The following TLE4 variants were observed in gnomAD, a reference collection of about 807,000 sequenced individuals.
TLE4 encodes transducin-like enhancer protein 4.
A neutral mutation model predicts 92.8 loss-of-function variants in TLE4; 8 were observed. The observed-to-expected ratio is 0.09, with a 90% CI of 0.05 to 0.16. The LOEUF is 0.16. Among genes scored for constraint, TLE4 ranks in the 10% least tolerant of loss-of-function variants. TLE4 has a pLI of 1.00. For missense variants in TLE4, 675 were observed against 997.6 expected (o/e 0.68, Z 4.36); for synonymous variants, 371 against 374.1 (o/e 0.99, Z 0.10).
chr9:79,692,504 A>T (rs750707304), intron 8 of TLE4, among the ~76,000 whole-genome samples: 2 of 152,210 alleles, frequency 1.3e-5, no homozygotes, highest in Non-Finnish European at 1.5e-5. Context: ...CAATCATGAA[A>T]GGAAGGGCGG....
At chr9:79,657,157 G>T (rs766433882) in intron 8 of TLE4, among the ~76,000 whole-genome samples, 17 of 152,136 alleles carry the variant, frequency 1.1e-4, no homozygotes, top group Non-Finnish European at 1.6e-4. Flanking sequence ...AGGAGCCATG[G>T]CACCTGCAGC....
intron 4 of TLE4, among the ~76,000 whole-genome samples, chr9:79,587,034 A>T (rs1219549984): frequency 6.6e-6 from 1 of 152,172 alleles, no homozygotes; most frequent in Non-Finnish European, 1.5e-5. Context: ...TCACTCTGTT[A>T]TGCTATCAAA....
At chr9:79,598,364 C>T (rs1257814150) in intron 4 of TLE4, among the ~76,000 whole-genome samples, 1 of 152,000 alleles carries the variant, frequency 6.6e-6, no homozygotes, top group Non-Finnish European at 1.5e-5. Context: ...GGATCTACTT[C>T]TCCACCTTCA....
At chr9:79,628,812 C>A (rs965667034) in intron 6 of TLE4, among the ~76,000 whole-genome samples, 2 of 151,796 alleles carry the variant, frequency 1.3e-5, no homozygotes, top group African/African-American at 4.8e-5. Flanking sequence ...TTTCCAAAAA[C>A]TCCAGGAAAC....
At chr9:79,722,371 C>G in intron 17 of TLE4, 80 bp from the exon 18 acceptor site, 1 of 1,487,648 alleles carries the variant, frequency 6.7e-7, no homozygotes, top group African/African-American at 1.4e-5. Context: ...TAAGTAGTAT[C>G]TACAGAAGAG....
chr9:79,665,284 T>C (rs2061211564), intron 8 of TLE4, among the ~76,000 whole-genome samples: 1 of 152,134 alleles, frequency 6.6e-6, no homozygotes, highest in African/African-American at 2.4e-5. Context: ...TTTAAATCAG[T>C]AGGTATTGAT....
intron 8 of TLE4, among the ~76,000 whole-genome samples, chr9:79,663,794 G>C (rs949096664): frequency 6.6e-6 from 1 of 152,174 alleles, no homozygotes; most frequent in African/African-American, 2.4e-5. Context: ...GGCAGTTTTG[G>C]GGGGAAGGGA....
At chr9:79,684,914 G>T (rs1235678805) in intron 8 of TLE4, among the ~76,000 whole-genome samples, 1 of 152,214 alleles carries the variant, frequency 6.6e-6, no homozygotes, top group Non-Finnish European at 1.5e-5. Context: ...CAATATTGCA[G>T]TCAGTCTAAC....
At chr9:79,702,136 AG>A (rs2070105719) in intron 8 of TLE4, among the ~76,000 whole-genome samples, 2 of 152,354 alleles carry the variant, frequency 1.3e-5, no homozygotes, top group South Asian at 4.2e-4. Context: ...CACAGAGCCC[AG>A]GGGAACACTG....
At chr9:79,575,560 C>A (rs949831202) in intron 3 of TLE4, among the ~76,000 whole-genome samples, 2 of 152,110 alleles carry the variant, frequency 1.3e-5, no homozygotes, top group Non-Finnish European at 2.9e-5. Flanking sequence ...TTATACTACA[C>A]GTTCAAAAAA....
At chr9:79,708,275 A>G (rs202023681) in intron 12 of TLE4, 25 bp downstream of exon 12, 105 of 1,610,142 alleles carry the variant, frequency 6.5e-5, no homozygotes, top group South Asian at 9.9e-5. Context: ...AGTTTTTTCT[A>G]TATTTTTATG....
At chr9:79,600,797 T>G (rs546251915) in intron 4 of TLE4, among the ~76,000 whole-genome samples, 1 of 151,566 alleles carries the variant, frequency 6.6e-6, no homozygotes, top group African/African-American at 2.4e-5. Context: ...AAGCACGAAC[T>G]CGTCTACACA....
chr9:79,653,995 T>A (rs2059405527), intron 7 of TLE4, 64 bp from the exon 8 acceptor site: 1 of 1,552,766 alleles, frequency 6.4e-7, no homozygotes, highest in East Asian at 2.2e-5. Flanking sequence ...GTAAACTAAC[T>A]AGTACTTTTC....
chr9:79,614,382 G>T (rs2049024786), intron 5 of TLE4, among the ~76,000 whole-genome samples: 1 of 152,070 alleles, frequency 6.6e-6, no homozygotes, highest in Non-Finnish European at 1.5e-5. Context: ...GGTTGTCTTG[G>T]GGATGTTGAT....
intron 8 of TLE4, among the ~76,000 whole-genome samples, chr9:79,662,703 T>C (rs948105336): frequency 2.0e-5 from 3 of 152,066 alleles, no homozygotes; most frequent in Admixed American, 6.5e-5. Flanking sequence ...TTGGAAATAA[T>C]ATGGAAATCC....
At position 79,662,447 on chromosome 9, in the gene TLE4, GA is replaced by G. The variant is rs1471350358; in HGVS notation, c.609+8373del. ...CATTTTAATTATTCTAGAGAATTTT[GA>G]GAATTCTATTCACTTATCTTTTTTT... On this transcript the variant is annotated intron_variant, in intron 8 of 19. Transcript: ENST00000376552. Among the ~76,000 whole-genome samples, 3 of 152,046 alleles carry G rather than the reference GA, an allele frequency of 2.0e-5. No homozygotes were observed. In the East Asian group the frequency reaches 5.8e-4, roughly 29 times the overall value.
chr9:79,700,981 A>G (rs533602881), intron 8 of TLE4, among the ~76,000 whole-genome samples: 1 of 152,210 alleles, frequency 6.6e-6, no homozygotes, highest in Non-Finnish European at 1.5e-5. Context: ...AGAAATATCT[A>G]AATTGAGCTT....
intron 4 of TLE4, among the ~76,000 whole-genome samples, chr9:79,600,848 G>C (rs2045461987): frequency 6.6e-6 from 1 of 152,126 alleles, no homozygotes; most frequent in Non-Finnish European, 1.5e-5. Flanking sequence ...ACCACACCTT[G>C]AATTATCAGG....
chr9:79,579,106 A>G (rs528149063), intron 4 of TLE4, among the ~76,000 whole-genome samples: 1 of 152,350 alleles, frequency 6.6e-6, no homozygotes, highest in South Asian at 2.1e-4. Context: ...AAAATGAAAG[A>G]ACATAGGCCC....
Sources: gnomAD v4.1 joint callset for allele counts (sites outside exome capture counted in the v4.1 genomes callset) on GRCh38, gnomAD v4.1.1 for gene constraint, MANE v1.5 for transcripts, NCBI Gene and HGNC (gene_info 2026-07-23, HGNC 2026-07-21) for gene names.